Variants in RSRC1 observed in about 807,000 individuals in gnomAD.
The protein encoded by RSRC1 is arginine and serine rich coiled-coil 1, also known as serine/Arginine-related protein 53.
A neutral mutation model predicts 49.1 loss-of-function variants in RSRC1; 39 were observed. That is an observed-to-expected ratio of 0.79 (90% CI 0.61 to 1.04). The LOEUF (loss-of-function observed/expected upper bound fraction) is 1.04. Ranked by LOEUF, RSRC1 falls within the 50% of genes least tolerant of loss-of-function variation. The pLI is 0.00. For synonymous variants in RSRC1, 143 were observed against 130.8 expected, an observed-to-expected ratio of 1.09 and a Z score of -0.63; for missense variants, 388 against 402.4, an observed-to-expected ratio of 0.96 and a Z score of 0.31.
At chr3:158,147,760 A>T (rs1398460693) in intron 3 of RSRC1, among the ~76,000 whole-genome samples, 1 of 152,188 alleles carries the variant, frequency 6.6e-6, no homozygotes, top group African/African-American at 2.4e-5. Flanking sequence ...TACGTTTTAG[A>T]AGTATACATT....
intron 3 of RSRC1, among the ~76,000 whole-genome samples, chr3:158,152,678 G>T (rs564351179): frequency 1.3e-5 from 2 of 152,280 alleles, no homozygotes; most frequent in African/African-American, 4.8e-5. Flanking sequence ...TGCCTAAAGT[G>T]AGATACATGT....
intron 6 of RSRC1, among the ~76,000 whole-genome samples, chr3:158,443,525 G>A (rs1332657209): frequency 2.6e-5 from 4 of 152,192 alleles, no homozygotes; most frequent in African/African-American, 9.6e-5. Context: ...ATTTAAGAAA[G>A]TTAGGACTTT....
chr3:158,329,973 C>T (rs947409388), intron 5 of RSRC1, among the ~76,000 whole-genome samples: 2 of 152,150 alleles, frequency 1.3e-5, no homozygotes, highest in Non-Finnish European at 2.9e-5. Flanking sequence ...CCTTGCAGTT[C>T]GATCTCAGAG....
At chr3:158,361,408 C>T (rs73170340) in intron 6 of RSRC1, among the ~76,000 whole-genome samples, 20,459 of 152,056 alleles carry the variant, frequency 0.13, 1,489 homozygotes, top group Middle Eastern at 0.2. Context: ...GGCCTTGGGG[C>T]GGGTCTCAAC....
At chr3:158,267,220 T>C (rs535400726) in intron 4 of RSRC1, among the ~76,000 whole-genome samples, 1 of 152,348 alleles carries the variant, frequency 6.6e-6, no homozygotes, top group South Asian at 2.1e-4. Context: ...TGTAATCTTA[T>C]AATTGTTCCA....
intron 7 of RSRC1, among the ~76,000 whole-genome samples, chr3:158,533,917 TC>T (rs1712566074): frequency 2.0e-5 from 3 of 151,654 alleles, no homozygotes; most frequent in Non-Finnish European, 4.4e-5. Context: ...GGGCAAAGAA[TC>T]TTCTCTCATT....
In RSRC1 at chr3:158,497,751, C is replaced by T. The variant is rs527807943; in HGVS notation, c.652+36748C>T. Among the ~76,000 whole-genome samples the T allele has an allele frequency of 7.2e-5, 11 of 152,082 alleles. No individual in the cohort carries two copies. In the South Asian group the frequency reaches 1.7e-3, roughly 23 times the overall value. ...CGCCCAGCCCATTGTATCATTCTTA[C>T]GTCTTTGTGTCTTCACAGCTTAGCT... On this transcript the variant is annotated intron_variant, in intron 7 of 9. Coordinates refer to ENST00000611884, the MANE Select transcript of RSRC1 (RefSeq NM_001271838.2).
intron 4 of RSRC1, among the ~76,000 whole-genome samples, chr3:158,260,540 C>T (rs1394567449): frequency 1.3e-5 from 2 of 152,154 alleles, no homozygotes; most frequent in Non-Finnish European, 2.9e-5. Context: ...GGAGGAGTGA[C>T]ACAAGCACTT....
At chr3:158,403,520 C>G (rs1733998582) in intron 6 of RSRC1, among the ~76,000 whole-genome samples, 1 of 151,724 alleles carries the variant, frequency 6.6e-6, no homozygotes, top group African/African-American at 2.4e-5. Flanking sequence ...ATGTCCACTT[C>G]AAACTTTATT....
chr3:158,349,573 A>C (rs74808906), intron 5 of RSRC1, among the ~76,000 whole-genome samples: 78,907 of 151,430 alleles, frequency 0.52, 20,900 homozygotes, highest in African/African-American at 0.61. Flanking sequence ...TTTCTTTTAT[A>C]CAGTCAAAAT....
At position 158,242,354 on chromosome 3, in the gene RSRC1, C is replaced by T. The variant is rs1723644457; in HGVS notation, c.494+39109C>T. Among the ~76,000 whole-genome samples the T allele has an allele frequency of 3.3e-5, 5 of 152,086 alleles. No homozygotes were observed. In the South Asian group the frequency reaches 1.0e-3, roughly 32 times the overall value. The stretch of plus-strand genomic sequence containing the variant: ...TGCTGAGGACAATGACTTCCAGCTC[C>T]ATCCATGTCCCTGCAAAGGACATGA... On this transcript the variant is annotated intron_variant, in intron 4 of 9. Transcript: ENST00000611884.
At chr3:158,451,664 A>G (rs962210368) in intron 6 of RSRC1, among the ~76,000 whole-genome samples, 1 of 152,118 alleles carries the variant, frequency 6.6e-6, no homozygotes, top group Non-Finnish European at 1.5e-5. Flanking sequence ...ATACAAACTC[A>G]TAATGCCTTT....
chr3:158,294,518 T>C (rs73166387), intron 4 of RSRC1, among the ~76,000 whole-genome samples: 18,349 of 152,106 alleles, frequency 0.12, 1,381 homozygotes, highest in Middle Eastern at 0.2. Context: ...GTTTTCCTTG[T>C]GGGTTCATCT....
At chr3:158,454,737 G>A (rs144553665) in intron 6 of RSRC1, among the ~76,000 whole-genome samples, 8 of 152,230 alleles carry the variant, frequency 5.3e-5, no homozygotes, top group African/African-American at 1.9e-4. Flanking sequence ...TCTTTCGTAA[G>A]ATTGGTTTAC....
intron 3 of RSRC1, among the ~76,000 whole-genome samples, chr3:158,141,232 G>A (rs924924679): frequency 2.6e-5 from 4 of 152,158 alleles, no homozygotes; most frequent in African/African-American, 9.7e-5. Flanking sequence ...TCCAAAGGAT[G>A]GAGAAAATTC....
At chr3:158,431,717 G>A (rs925559804) in intron 6 of RSRC1, among the ~76,000 whole-genome samples, 1 of 151,748 alleles carries the variant, frequency 6.6e-6, no homozygotes, top group Non-Finnish European at 1.5e-5. Flanking sequence ...GAGAAATTCT[G>A]GTCATTCCTA....
chr3:158,518,146 A>ATT (rs1452015549), intron 7 of RSRC1, among the ~76,000 whole-genome samples: 3 of 69,710 alleles, frequency 4.3e-5, no homozygotes, highest in African/African-American at 2.1e-4. Flanking sequence ...ATATATATAT[A>ATT]TATTTTTTTT....
At chr3:158,205,793 A>T (rs1375321430) in intron 4 of RSRC1, among the ~76,000 whole-genome samples, 1 of 152,130 alleles carries the variant, frequency 6.6e-6, no homozygotes, top group African/African-American at 2.4e-5. Context: ...TGGGCCACAT[A>T]TGAAATACTC....
At chr3:158,200,647 T>C (rs1451464898) in intron 3 of RSRC1, among the ~76,000 whole-genome samples, 2 of 152,126 alleles carry the variant, frequency 1.3e-5, no homozygotes, top group Non-Finnish European at 2.9e-5. Flanking sequence ...TTAGCTATAC[T>C]TATTTTCTTC....
Sources: gnomAD v4.1 joint callset for allele counts (sites outside exome capture counted in the v4.1 genomes callset) on GRCh38, gnomAD v4.1.1 for gene constraint, MANE v1.5 for transcripts, NCBI Gene and HGNC (gene_info 2026-07-23, HGNC 2026-07-21) for gene names.